The following NCALD variants were observed in gnomAD, a reference collection of about 807,000 sequenced individuals.
NCALD encodes the protein neurocalcin-delta.
In NCALD, 10 loss-of-function variants were observed where a neutral mutation model predicts 18.6. The ratio of observed to expected loss-of-function variants is 0.54; its 90% confidence interval spans 0.33 to 0.91. The LOEUF (loss-of-function observed/expected upper bound fraction) is 0.91. NCALD is among the 40% of genes least tolerant of loss of function. The probability of loss-of-function intolerance (pLI) is 0.03; values close to 1 mark genes in which losing one functional copy is unlikely to be tolerated. For missense variants in NCALD, 184 were observed against 247.6 expected, an observed-to-expected ratio of 0.74 and a Z score of 1.72; for synonymous variants, 88 against 87.4, an observed-to-expected ratio of 1.01 and a Z score of -0.04.
intron 1 of NCALD, among the ~76,000 whole-genome samples, chr8:101,770,855 A>C (rs1811558381): frequency 6.6e-6 from 1 of 152,230 alleles, no homozygotes; most frequent in Non-Finnish European, 1.5e-5. Flanking sequence ...CATTTTTTAA[A>C]AAATAGATAA....
At chr8:101,843,062 G>A (rs984544742) in intron 4 of NCALD, among the ~76,000 whole-genome samples, 3 of 152,278 alleles carry the variant, frequency 2.0e-5, no homozygotes, top group East Asian at 1.9e-4. Context: ...GCTTGCTTAA[G>A]GGTTTAGATG....
chr8:101,936,260 A>C (rs1338738692), intron 2 of NCALD, among the ~76,000 whole-genome samples: 1 of 152,216 alleles, frequency 6.6e-6, no homozygotes, highest in Non-Finnish European at 1.5e-5. Flanking sequence ...CAGTAAGACC[A>C]ATCAGCAAGT....
rs188534387 is a variant in NCALD, at chr8:102,009,208, C to G, written c.-157+11029G>C. 8.5e-4 allele frequency among the ~76,000 whole-genome samples: 129 copies of G among 152,342 alleles called. No individual in the cohort carries two copies. In the Middle Eastern group the frequency reaches 0.017, roughly 20 times the overall value. The stretch of plus-strand genomic sequence containing the variant: ...CTTAGACAATCCCTACCTACCAACT[C>G]TAAGGCAAAAAGCTGGTGGTCCAAT... On this transcript the variant is annotated intron_variant, in intron 2 of 6. Coordinates refer to the NCALD transcript ENST00000311028.
chr8:101,857,031 C>T (rs150749943), intron 4 of NCALD, among the ~76,000 whole-genome samples: 287 of 152,266 alleles, frequency 1.9e-3, no homozygotes, highest in East Asian at 7.5e-3. Flanking sequence ...TCTTCCCCAC[C>T]GTGCTGTGAG....
intron 1 of NCALD, among the ~76,000 whole-genome samples, chr8:101,726,648 C>T (rs778225618): frequency 7.2e-5 from 11 of 151,918 alleles, no homozygotes; most frequent in Non-Finnish European, 1.3e-4. Flanking sequence ...ACGTGTTAAC[C>T]CTGAGATGCC....
chr8:101,984,775 A>C (rs972075753), intron 2 of NCALD, among the ~76,000 whole-genome samples: 13 of 152,202 alleles, frequency 8.5e-5, no homozygotes, highest in Admixed American at 2.0e-4. Context: ...AAAACCCAGC[A>C]CTTGACTTTT....
At chr8:102,074,327 A>C (rs1824274123) in intron 1 of NCALD, among the ~76,000 whole-genome samples, 1 of 152,188 alleles carries the variant, frequency 6.6e-6, no homozygotes, top group South Asian at 2.1e-4. Context: ...TTAAGCTATC[A>C]AGTGGACTAA....
chr8:101,826,021 G>T (rs1813923316), intron 4 of NCALD, among the ~76,000 whole-genome samples: 1 of 152,200 alleles, frequency 6.6e-6, no homozygotes, highest in Non-Finnish European at 1.5e-5. Flanking sequence ...TTTGTTGCTA[G>T]AATCAAAGTT....
Position 102,058,219 on chromosome 8 carries a change from C to A in NCALD, c.-209-37930G>T, listed in dbSNP as rs192323681. 2.1e-3 allele frequency among the ~76,000 whole-genome samples: 325 copies of A among 152,292 alleles called. 2 individuals are homozygous for A. The highest frequency in any genetic ancestry group is 7.3e-3 in the African/African-American group (304 of 41,552). ...ATTTTACCGCACAGGGACACTGTGT[C>A]CATCCTGAATGCACCCCTCAGGCAA... On this transcript the variant is annotated intron_variant, in intron 1 of 6. Coordinates refer to the NCALD transcript ENST00000311028.
chr8:101,982,672 C>T (rs1820665238), intron 2 of NCALD, among the ~76,000 whole-genome samples: 1 of 151,990 alleles, frequency 6.6e-6, no homozygotes, highest in Admixed American at 6.6e-5. Context: ...AACTCCGTCT[C>T]CACCAAAAAT....
chr8:101,701,012 G>A (rs28560062), intron 2 of NCALD, among the ~76,000 whole-genome samples: 18,432 of 152,166 alleles, frequency 0.12, 1,173 homozygotes, highest in South Asian at 0.17. Context: ...GAATTAGTGG[G>A]TTATTTACAA....
At chr8:101,999,514 C>T (rs911908556) in intron 2 of NCALD, among the ~76,000 whole-genome samples, 7 of 151,922 alleles carry the variant, frequency 4.6e-5, no homozygotes, top group Admixed American at 3.3e-4. Context: ...TTTGGGGACT[C>T]GGGGGAAAGG....
intron 1 of NCALD, among the ~76,000 whole-genome samples, chr8:101,781,088 G>C (rs1489996877): frequency 6.6e-6 from 1 of 152,108 alleles, no homozygotes; most frequent in African/African-American, 2.4e-5. Context: ...CAGATCTAAT[G>C]ACAATTTCTT....
At chr8:101,828,020 C>G (rs1433948322) in intron 4 of NCALD, among the ~76,000 whole-genome samples, 1 of 152,164 alleles carries the variant, frequency 6.6e-6, no homozygotes, top group Non-Finnish European at 1.5e-5. Flanking sequence ...AGTAAGTAGA[C>G]AATTTTAATG....
chr8:101,714,123 T>C (rs574503125), intron 2 of NCALD, among the ~76,000 whole-genome samples: 266 of 152,288 alleles, frequency 1.7e-3, no homozygotes, highest in African/African-American at 6.2e-3. Flanking sequence ...TTCAACATAG[T>C]ATTGGAAGTT....
intron 2 of NCALD, among the ~76,000 whole-genome samples, chr8:102,005,294 C>T (rs1204449628): frequency 6.6e-6 from 1 of 152,176 alleles, no homozygotes; most frequent in Non-Finnish European, 1.5e-5. Context: ...CATTACTGGC[C>T]ATCAGAGAAA....
intron 4 of NCALD, among the ~76,000 whole-genome samples, chr8:101,839,215 T>C (rs775368895): frequency 2.0e-5 from 3 of 151,800 alleles, no homozygotes; most frequent in Non-Finnish European, 4.4e-5. Flanking sequence ...ATGGTAGTGG[T>C]GTGCAGGAAG....
At chr8:101,700,863 A>G (rs1815232358) in intron 2 of NCALD, among the ~76,000 whole-genome samples, 1 of 152,180 alleles carries the variant, frequency 6.6e-6, no homozygotes, top group Non-Finnish European at 1.5e-5. Context: ...GAAGTCCCCG[A>G]TGTGAACATA....
intron 1 of NCALD, among the ~76,000 whole-genome samples, chr8:101,751,988 G>C (rs902969939): frequency 6.6e-6 from 1 of 152,144 alleles, no homozygotes; most frequent in East Asian, 1.9e-4. Context: ...ACAATGGCAT[G>C]TTTTGGCTAC....
Sources: allele counts gnomAD v4.1 joint callset (sites outside exome capture counted in the v4.1 genomes callset), GRCh38; gene constraint gnomAD v4.1.1; transcripts MANE v1.5; gene names NCBI Gene and HGNC (gene_info 2026-07-23, HGNC 2026-07-21).